NCEH1: variants seen among roughly 807,000 people sequenced by gnomAD.
The protein encoded by NCEH1 is 2-acetyl MAGE hydrolase.
Under a neutral mutation model 25.4 loss-of-function variants are expected in NCEH1, and 9 were observed. That is an observed-to-expected ratio of 0.35 (90% CI 0.21 to 0.62). The LOEUF is 0.62. Ranked by LOEUF, NCEH1 falls within the 20% of genes least tolerant of loss-of-function variation. NCEH1 has a pLI of 0.72. For synonymous variants in NCEH1, 200 were observed against 199.8 expected (o/e 1.00, Z -0.01); for missense variants, 412 against 501.1 (o/e 0.82, Z 1.70).
rs1716292758 is a variant in NCEH1, at chr3:172,630,335, T to A, written c.*3140A>T. The stretch of plus-strand genomic sequence containing the variant: ...ATAGTGATGCTTTGGCTGAAACAAT[T>A]CAGCTCAAACTCTTGGCATTATGAT... On this transcript the variant is annotated 3_prime_UTR_variant, in exon 5 of 5. Transcript: ENST00000475381. 6.6e-6 allele frequency: 1 copy of A among 152,244 alleles called. No individual in the cohort carries two copies. The highest frequency in any genetic ancestry group is 1.5e-5 in the Non-Finnish European group (1 of 68,046). 9.4% of individuals were successfully genotyped at this position (152,244 alleles called of 1,614,324 possible).
At chr3:172,647,813 A>G (rs1048698284) in intron 2 of NCEH1, 73 bp downstream of exon 2, 4 of 1,580,826 alleles carry the variant, frequency 2.5e-6, no homozygotes, top group East Asian at 4.6e-5. Flanking sequence ...CCACTAAGAA[A>G]GCCAAACTCA....
intron 1 of NCEH1, among the ~76,000 whole-genome samples, chr3:172,693,379 A>G (rs1291561024): frequency 6.6e-6 from 1 of 152,120 alleles, no homozygotes; most frequent in Non-Finnish European, 1.5e-5. Flanking sequence ...TCTGTATTTC[A>G]GCAACTTTAA....
intron 1 of NCEH1, among the ~76,000 whole-genome samples, chr3:172,690,757 CTTCT>C: frequency 6.6e-6 from 1 of 152,256 alleles, no homozygotes; most frequent in East Asian, 1.9e-4. Context: ...TTGACAAATC[CTTCT>C]GTTAGAATTC....
intron 1 of NCEH1, among the ~76,000 whole-genome samples, chr3:172,679,888 G>A (rs1465703505): frequency 6.6e-6 from 1 of 152,084 alleles, no homozygotes; most frequent in African/African-American, 2.4e-5. Flanking sequence ...GGGCTAAGGT[G>A]GGAGGGCCAG....
rs142336089 is a variant in NCEH1 at position 172,643,286 on chromosome 3, T to C, written c.437+2337A>G. ...TAGGGTCTCCCTGTGTTGCCTAGGC[T>C]GGACTCGAACTCCTGGGCTCAAGTA... On this transcript the variant is annotated intron_variant, in intron 3 of 4. Transcript: ENST00000475381. 3.9e-3 allele frequency among the ~76,000 whole-genome samples: 601 copies of C among 152,286 alleles called. 4 individuals carry two copies. The highest frequency in any genetic ancestry group is 0.014 in the African/African-American group (577 of 41,554).
At position 172,711,042 on chromosome 3, in the gene NCEH1, G is replaced by C; in HGVS notation, c.-58C>G. The stretch of plus-strand genomic sequence containing the variant: ...AAAGAGGAAAGGGCGATACCACCCG[G>C]AGACCTCCGGCAACTTTCTGCCCGC... On this transcript the variant is annotated 5_prime_UTR_variant, in exon 1 of 5. Transcript: ENST00000475381. The C allele has an allele frequency of 1.2e-6, 2 of 1,611,526 alleles. No individual in the cohort carries two copies. The highest frequency in any genetic ancestry group is 8.5e-7 in the Non-Finnish European group (1 of 1,178,240).
intron 1 of NCEH1, among the ~76,000 whole-genome samples, chr3:172,709,105 G>A (rs1714164139): frequency 6.6e-6 from 1 of 152,170 alleles, no homozygotes; most frequent in Non-Finnish European, 1.5e-5. Context: ...TCATTCCCAA[G>A]CACCACCTGA....
intron 1 of NCEH1, among the ~76,000 whole-genome samples, chr3:172,691,159 T>C (rs1226889871): frequency 6.6e-6 from 1 of 152,168 alleles, no homozygotes; most frequent in Non-Finnish European, 1.5e-5. Flanking sequence ...GGCTGGACTG[T>C]AGGATTCCAT....
chr3:172,682,530 T>C (rs954961778), intron 1 of NCEH1, among the ~76,000 whole-genome samples: 2 of 152,216 alleles, frequency 1.3e-5, no homozygotes, highest in African/African-American at 4.8e-5. Context: ...TGGTTCTTTC[T>C]GAGAAACTGG....
At chr3:172,695,363 G>C (rs1448420985) in intron 1 of NCEH1, among the ~76,000 whole-genome samples, 1 of 152,194 alleles carries the variant, frequency 6.6e-6, no homozygotes, top group African/African-American at 2.4e-5. Context: ...ACTCTTCACA[G>C]TTGACACAAA....
Position 172,631,004 on chromosome 3 carries a change from A to C in NCEH1, c.*2471T>G, listed in dbSNP as rs1471111270. The C allele has an allele frequency of 2.0e-5, 3 of 151,928 alleles. No individual in the cohort carries two copies. Among genetic ancestry groups the C allele is most frequent in the Admixed American group, 1.3e-4 (2 of 15,268 alleles). 9.4% of individuals were successfully genotyped at this position (151,928 alleles called of 1,614,324 possible). On this transcript the variant is annotated 3_prime_UTR_variant, in exon 5 of 5. Transcript: ENST00000475381. ...CATTTTTTTCATAAAATAGGAAAAG[A>C]AAGCCACAGTACTAAAAAAAAAAAA...
chr3:172,651,491 A>AG (rs1277016363), intron 1 of NCEH1, among the ~76,000 whole-genome samples: 2 of 152,110 alleles, frequency 1.3e-5, no homozygotes, highest in African/African-American at 2.4e-5. Flanking sequence ...AAGGGCTATG[A>AG]GAAAAAAAAG....
chr3:172,652,962 C>T (rs1287428713), intron 1 of NCEH1, among the ~76,000 whole-genome samples: 1 of 152,040 alleles, frequency 6.6e-6, no homozygotes, highest in Middle Eastern at 3.2e-3. Context: ...GTCTTGGCCT[C>T]CCAAAGTGTT....
At chr3:172,669,454 TAGA>T in intron 1 of NCEH1, among the ~76,000 whole-genome samples, 1 of 152,346 alleles carries the variant, frequency 6.6e-6, no homozygotes, top group Admixed American at 6.5e-5. Context: ...ATTAGGAAAC[TAGA>T]AGGAATGTTT....
intron 1 of NCEH1, among the ~76,000 whole-genome samples, chr3:172,681,848 T>C (rs1577081007): frequency 6.6e-6 from 1 of 151,118 alleles, no homozygotes; most frequent in Non-Finnish European, 1.5e-5. Context: ...GAGGCAGAGG[T>C]TGTAGTGAGG....
intron 1 of NCEH1, among the ~76,000 whole-genome samples, chr3:172,655,434 T>G (rs1405030867): frequency 1.3e-5 from 2 of 152,236 alleles, no homozygotes; most frequent in Non-Finnish European, 2.9e-5. Flanking sequence ...AAGTTATTTA[T>G]GTGTATGGAG....
At chr3:172,661,880 G>A (rs1717990089) in intron 1 of NCEH1, among the ~76,000 whole-genome samples, 2 of 152,204 alleles carry the variant, frequency 1.3e-5, no homozygotes. Context: ...GGGCTGAGAT[G>A]ATGGGGTTTT....
rs1186362310 is a variant in NCEH1, at chr3:172,710,777, G to A, written c.138+70C>T. On this transcript the variant is annotated intron_variant, in intron 1 of 4. Coordinates refer to ENST00000475381, the MANE Select transcript of NCEH1 (RefSeq NM_020792.6). ...CTGCGTTTTCGTGGAACCCGGCGGAGGAATTTTGTATCCCCTTCAAATATT... is the reference window on the plus strand; with the variant it reads ...CTGCGTTTTCGTGGAACCCGGCGGAAGAATTTTGTATCCCCTTCAAATATT... The A allele has an allele frequency of 1.9e-6, 3 of 1,558,666 alleles. No homozygotes were observed. The African/African-American group carries it at 4.1e-5, about 21-fold the overall frequency.
At chr3:172,671,910 T>C (rs9881902) in intron 1 of NCEH1, among the ~76,000 whole-genome samples, 21,325 of 152,204 alleles carry the variant, frequency 0.14, 1,676 homozygotes, top group East Asian at 0.2. Context: ...GACATTGTAG[T>C]GCAATTACTT....
Sources: allele counts gnomAD v4.1 joint callset (sites outside exome capture counted in the v4.1 genomes callset), GRCh38; gene constraint gnomAD v4.1.1; transcripts MANE v1.5; gene names NCBI Gene and HGNC (gene_info 2026-07-23, HGNC 2026-07-21).